Variants in CILP observed in about 807,000 individuals in gnomAD.
CILP encodes the protein cartilage intermediate layer protein, also known as cartilage intermediate layer protein 1.
In CILP, 75 loss-of-function variants were observed where a neutral mutation model predicts 82.5. That is an observed-to-expected ratio of 0.91 (90% CI 0.75 to 1.10). The LOEUF is 1.10. CILP is among the 50% of genes least tolerant of loss of function. The pLI, the probability that CILP is intolerant of heterozygous loss-of-function variation, is 0.00. For missense variants in CILP, 1,479 were observed against 1,530.8 expected (o/e 0.97, Z 0.56); for synonymous variants, 530 against 580.3 (o/e 0.91, Z 1.25).
In CILP at chr15:65,197,805, G is replaced by A. The variant is rs755709509; in HGVS notation, c.2481C>T (p.Ser827=). 3 of 1,613,752 alleles carry A rather than the reference G, an allele frequency of 1.9e-6. No individual in the cohort carries two copies. The South Asian group carries it at 3.3e-5, about 18-fold the overall frequency. ...CTGCTTGCAGTTCCTCCCCAGCCAG[G>A]CTTGCCAAGACATAGGCAGAGTAGG... The part of the protein sequence containing the change: ...PDAYSAYVLA[S]LAGEELQAVE... Residue 827 remains serine (S), a synonymous_variant, in exon 9 of 9, where the codon AGC becomes AGT. Transcript: ENST00000261883.
chr15:65,203,520 G>A (rs771231281), intron 6 of CILP, 50 bp from the exon 7 acceptor site: 1 of 1,359,860 alleles, frequency 7.4e-7, no homozygotes, highest in Non-Finnish European at 1.0e-6. Flanking sequence ...GTGTGTGTGT[G>A]ACAGGTTCTA....
In CILP at chr15:65,201,974, C is replaced by T. The variant is rs1408641930; in HGVS notation, c.1084G>A (p.Val362Met). The T allele has an allele frequency of 3.1e-6, 5 of 1,605,604 alleles. No homozygotes were observed. The highest frequency in any genetic ancestry group is 1.1e-5 in the South Asian group (1 of 89,436). Residue 362 changes from valine to methionine, a missense_variant, in exon 8 of 9, where the codon GTG becomes ATG. Transcript: ENST00000261883. ...PSLYKHESKL[V>M]LRKLQQHQAG... is the part of the protein sequence containing the mutation. Reference sequence around the variant, plus strand: ...TGGTGCTGCTGCAGTTTCCTCAGCACCAGCTTGCTCTCATGCTTGTAGAGG... The same window carrying T: ...TGGTGCTGCTGCAGTTTCCTCAGCATCAGCTTGCTCTCATGCTTGTAGAGG...
At chr15:65,205,729 A>G (rs1357370259) in intron 4 of CILP, among the ~76,000 whole-genome samples, 1 of 152,140 alleles carries the variant, frequency 6.6e-6, no homozygotes, top group Non-Finnish European at 1.5e-5. Flanking sequence ...GGACTTTGAT[A>G]TGCTGTCCTA....
Position 65,204,479 on chromosome 15 carries a change from G to A in CILP, c.708C>T (p.Ala236=). The A allele has an allele frequency of 6.2e-7, 1 of 1,613,992 alleles. No individual in the cohort carries two copies. Among genetic ancestry groups the A allele is most frequent in the Non-Finnish European group, 8.5e-7 (1 of 1,179,962 alleles). The part of the protein sequence containing the change: ...LHGAVSLPGG[A]PASGAAIYLL... ...GGTAGATAGCAGCCCCTGAGGCTGG[G>A]GCACCTCCGGGAAGGGAGACAGCCC... Residue 236 remains alanine (A), a synonymous_variant, in exon 6 of 9, where the codon GCC becomes GCT. Coordinates refer to ENST00000261883, the MANE Select transcript of CILP (RefSeq NM_003613.4).
rs1197598177 is a variant in CILP, at chr15:65,197,085, C to T, written c.3201G>A (p.Leu1067=). 2 of 1,613,798 alleles carry T rather than the reference C, an allele frequency of 1.2e-6. No homozygotes were observed. The highest frequency in any genetic ancestry group is 1.7e-6 in the Non-Finnish European group (2 of 1,179,944). ...TGCCATAGTTGTGGCCCAGTGGGTC[C>T]AAGGGTGCCAGCATGGTGTACTCAC... ...DTSEYTMLAP[L]DPLGHNYGIY... Residue 1067 remains leucine, a synonymous_variant, in exon 9 of 9, where the codon TTG becomes TTA. Transcript: ENST00000261883.
chr15:65,209,723 G>A lies in CILP; in HGVS notation c.33C>T (p.Phe11=), dbSNP rs1216901615. The A allele has an allele frequency of 2.5e-6, 4 of 1,614,134 alleles. No individual in the cohort carries two copies. The Middle Eastern group carries it at 4.9e-4, about 200-fold the overall frequency. The stretch of plus-strand genomic sequence containing the variant: ...ACACAGATGTGACTTCCAGGACCAG[G>A]AAGGAGAACACCCAGGCCTTGGTCC... MVGTKAWVFS[F]LVLEVTSVLG... The change falls in exon 2 of 9, where the codon TTC becomes TTT. Residue 11 remains phenylalanine, a synonymous_variant. Coordinates refer to ENST00000261883, the MANE Select transcript of CILP (RefSeq NM_003613.4).
In CILP at chr15:65,207,767, G is replaced by A; in HGVS notation, c.62-3C>T. On this transcript the variant is annotated splice_region_variant and splice_polypyrimidine_tract_variant and intron_variant, in intron 2 of 8. Transcript: ENST00000261883. ...CTGGGTGAGCATCGTCTGTCTCCCT[G>A]AGGGCCAGAAGGAGAAGCTAAGTGA... 6.2e-7 allele frequency: 1 copy of A among 1,613,710 alleles called. No homozygotes were observed. Among genetic ancestry groups the A allele is most frequent in the South Asian group, 1.1e-5 (1 of 91,064 alleles).
Position 65,203,130 on chromosome 15 carries a change from C to T in CILP, c.1028+232G>A, listed in dbSNP as rs113140366. 2.9e-3 allele frequency among the ~76,000 whole-genome samples: 436 copies of T among 152,276 alleles called. 3 individuals are homozygous for T. Among genetic ancestry groups the T allele is most frequent in the African/African-American group, 9.9e-3 (411 of 41,546 alleles). ...GGGATTACAGGCGTGAGCTACTGTGCCCGGCCAAAGGGTTCCCCCAGCTTT... is the reference window on the plus strand; with the variant it reads ...GGGATTACAGGCGTGAGCTACTGTGTCCGGCCAAAGGGTTCCCCCAGCTTT... On this transcript the variant is annotated intron_variant, in intron 7 of 8. Transcript: ENST00000261883.
At chr15:65,202,184 T>A (rs1362524868) in intron 7 of CILP, among the ~76,000 whole-genome samples, 155 bp from the exon 8 acceptor site, 1 of 152,170 alleles carries the variant, frequency 6.6e-6, no homozygotes, top group East Asian at 1.9e-4. Flanking sequence ...GAGCACTAAT[T>A]GGCCTGGGAA....
intron 6 of CILP, 87 bp from the exon 7 acceptor site, chr15:65,203,557 G>A: frequency 1.1e-6 from 1 of 923,842 alleles, no homozygotes. Context: ...CAGGGTCTTT[G>A]ATGTTGTGAA....
Position 65,202,030 on chromosome 15 carries a change from C to T in CILP, c.1029-1G>A. The T allele has an allele frequency of 6.4e-7, 1 of 1,573,750 alleles. No individual in the cohort carries two copies. Among genetic ancestry groups the T allele is most frequent in the Non-Finnish European group, 8.6e-7 (1 of 1,160,438 alleles). On this transcript the variant is annotated splice_acceptor_variant, in intron 7 of 8. Coordinates refer to ENST00000261883, the MANE Select transcript of CILP (RefSeq NM_003613.4). LOFTEE classifies it high-confidence loss of function. ...ATCCAGCAATGTGTCATTATGATAC[C>T]TGCAAGGGATGGAGAGGTAGAACCT...
intron 1 of CILP, 89 bp from the exon 2 acceptor site, chr15:65,209,950 G>A (rs369822505): frequency 7.0e-5 from 40 of 573,740 alleles, no homozygotes; most frequent in African/African-American, 6.8e-4. Flanking sequence ...GTCAAGGAGG[G>A]AAAGGTGGAC....
At position 65,206,936 on chromosome 15, in the gene CILP, C is replaced by T. The variant is rs1473680856; in HGVS notation, c.270G>A (p.Leu90=). ...AGTCAGTGGTCCGAGCCTCTAGCCG[C>T]AGGGGACGGGCACATACACGGTCCC... The part of the protein sequence containing the change: ...YYGDRVCARP[L]RLEARTTDWT... The change falls in exon 4 of 9, where the codon CTG becomes CTA. Residue 90 remains leucine (L), a synonymous_variant. Transcript: ENST00000261883. The T allele has an allele frequency of 6.2e-7, 1 of 1,614,060 alleles. No individual in the cohort carries two copies. Among genetic ancestry groups the T allele is most frequent in the Non-Finnish European group, 8.5e-7 (1 of 1,180,014 alleles).
rs773920739 is a variant in CILP at position 65,198,320 on chromosome 15, T to C, written c.1966A>G (p.Thr656Ala). 3 of 1,614,070 alleles carry C rather than the reference T, an allele frequency of 1.9e-6. No homozygotes were observed. The African/African-American group carries it at 4.0e-5, about 22-fold the overall frequency. The change falls in exon 9 of 9, where the codon ACG becomes GCG. Residue 656 changes from threonine to alanine, a missense_variant. By Grantham distance (58) the Thr-to-Ala change is moderately conservative (BLOSUM62 0). Coordinates refer to ENST00000261883, the MANE Select transcript of CILP (RefSeq NM_003613.4). ...AAGTCCACAGAGAACATGCCATACG[T>C]CCGAAGGGGGAAAGTGTCTCCTTCG... ...NDEGDTFPLR[T>A]YGMFSVDFRD...
intron 7 of CILP, among the ~76,000 whole-genome samples, 200 bp from the exon 8 acceptor site, chr15:65,202,229 C>A (rs150876366): frequency 1.3e-5 from 2 of 152,152 alleles, no homozygotes; most frequent in Non-Finnish European, 2.9e-5. Flanking sequence ...AGCCCTACCA[C>A]GTACCTGGCT....
chr15:65,210,254 G>T (rs1021312182), intron 1 of CILP, among the ~76,000 whole-genome samples: 1 of 152,190 alleles, frequency 6.6e-6, no homozygotes, highest in Non-Finnish European at 1.5e-5. Flanking sequence ...TCTCACACAG[G>T]CGGGTACATA....
intron 1 of CILP, among the ~76,000 whole-genome samples, chr15:65,210,362 C>A (rs2088572250): frequency 6.6e-6 from 1 of 152,208 alleles, no homozygotes; most frequent in South Asian, 2.1e-4. Context: ...TCCATGAACA[C>A]ATTCCCAGAT....
At chr15:65,201,329 C>T (rs11071829) in intron 8 of CILP, among the ~76,000 whole-genome samples, 87,111 of 151,796 alleles carry the variant, frequency 0.57, 25,564 homozygotes, top group Non-Finnish European at 0.63. Context: ...TCTTGTTTGT[C>T]GCTTATTTAC....
At chr15:65,208,300 T>A (rs1398675394) in intron 2 of CILP, among the ~76,000 whole-genome samples, 2 of 152,212 alleles carry the variant, frequency 1.3e-5, no homozygotes, top group Non-Finnish European at 2.9e-5. Flanking sequence ...TGTGGGCTCC[T>A]GAGACTCTGC....
Sources: gnomAD v4.1 joint callset for allele counts (sites outside exome capture counted in the v4.1 genomes callset) on GRCh38, gnomAD v4.1.1 for gene constraint, MANE v1.5 for transcripts, NCBI Gene and HGNC (gene_info 2026-07-23, HGNC 2026-07-21) for gene names.